The following TSPAN13 variants were observed in gnomAD, a reference collection of about 807,000 sequenced individuals.
TSPAN13 encodes tetraspanin-13.
Under a neutral mutation model 26.9 loss-of-function variants are expected in TSPAN13, and 18 were observed. That is an observed-to-expected ratio of 0.67 (90% CI 0.46 to 0.99). TSPAN13 has a LOEUF of 0.99. Among genes scored for constraint, TSPAN13 ranks in the 50% least tolerant of loss-of-function variants. TSPAN13 has a pLI of 0.00. For missense variants in TSPAN13, 201 were observed against 249.6 expected (o/e 0.81, Z 1.31); for synonymous variants, 116 against 98.4 (o/e 1.18, Z -1.06).
intron 1 of TSPAN13, among the ~76,000 whole-genome samples, chr7:16,763,682 A>T (rs1372120355): frequency 6.6e-6 from 1 of 152,048 alleles, no homozygotes; most frequent in East Asian, 1.9e-4. Flanking sequence ...CTGTTGGCTT[A>T]TGGACCTATC....
At chr7:16,765,290 A>G (rs1784593125) in intron 1 of TSPAN13, among the ~76,000 whole-genome samples, 2 of 151,750 alleles carry the variant, frequency 1.3e-5, no homozygotes, top group African/African-American at 4.8e-5. Flanking sequence ...TTTGGTAGAG[A>G]CAAGGTCTCC....
chr7:16,780,500 G>T (rs781354598), intron 5 of TSPAN13, among the ~76,000 whole-genome samples: 3 of 152,066 alleles, frequency 2.0e-5, no homozygotes, highest in Non-Finnish European at 4.4e-5. Flanking sequence ...CTTGTGAGTT[G>T]GTTGTGACAT....
intron 1 of TSPAN13, among the ~76,000 whole-genome samples, chr7:16,754,701 C>A (rs991816298): frequency 2.3e-4 from 35 of 152,270 alleles, no homozygotes; most frequent in Non-Finnish European, 2.4e-4. Flanking sequence ...ACCAAGTCCT[C>A]CAGGAAATAA....
chr7:16,779,513 C>A (rs1223579500), intron 5 of TSPAN13, among the ~76,000 whole-genome samples: 2 of 151,662 alleles, frequency 1.3e-5, no homozygotes, highest in Admixed American at 6.6e-5. Context: ...GATTATATAT[C>A]TTTTTATATA....
chr7:16,776,441 A>G lies in TSPAN13; in HGVS notation c.231+63A>G, dbSNP rs113347793. The G allele has an allele frequency of 7.6e-3, 11,274 of 1,493,142 alleles. 104 individuals carry two copies. The highest frequency in any genetic ancestry group is 0.069 in the Middle Eastern group (358 of 5,210). The allele number at this position is 1,493,142 out of a possible 1,614,324, so 92.5% of individuals were successfully genotyped here. On this transcript the variant is annotated intron_variant, in intron 2 of 5. Coordinates refer to ENST00000262067, the MANE Select transcript of TSPAN13 (RefSeq NM_014399.4). ...CTATTTTGATGGTTACAACTAATTT[A>G]ATATTATCACTAGGAAATTTATTGC...
intron 4 of TSPAN13, among the ~76,000 whole-genome samples, 170 bp from the exon 5 acceptor site, chr7:16,778,833 G>A (rs1310264652): frequency 6.6e-6 from 1 of 152,184 alleles, no homozygotes; most frequent in Admixed American, 6.5e-5. Context: ...ACACCATTGA[G>A]AGGGGAGGGT....
intron 1 of TSPAN13, among the ~76,000 whole-genome samples, chr7:16,760,374 C>G (rs1486733339): frequency 6.6e-6 from 1 of 152,016 alleles, no homozygotes; most frequent in Non-Finnish European, 1.5e-5. Flanking sequence ...GTAGGGCGAC[C>G]TGATTTACTG....
At chr7:16,775,043 T>C (rs1784726285) in intron 1 of TSPAN13, among the ~76,000 whole-genome samples, 2 of 152,230 alleles carry the variant, frequency 1.3e-5, no homozygotes, top group African/African-American at 4.8e-5. Flanking sequence ...TATTTTTATA[T>C]TTCTAAGCAA....
At chr7:16,758,163 A>C (rs377174113) in intron 1 of TSPAN13, among the ~76,000 whole-genome samples, 1 of 152,136 alleles carries the variant, frequency 6.6e-6, no homozygotes, top group African/African-American at 2.4e-5. Flanking sequence ...GATGCATTTT[A>C]TAGTAGATAA....
At position 16,783,507 on chromosome 7, in the gene TSPAN13, GA is replaced by G; in HGVS notation, c.*17del. ...ATTCCTTTGATGAGAAAACAAGGAA[GA>G]TTTCCTTTCGTATTATGATCTTGTT... On this transcript the variant is annotated 3_prime_UTR_variant, in exon 6 of 6. Coordinates refer to ENST00000262067, the MANE Select transcript of TSPAN13 (RefSeq NM_014399.4). The G allele has an allele frequency of 6.2e-7, 1 of 1,608,248 alleles. No homozygotes were observed. Among genetic ancestry groups the G allele is most frequent in the Non-Finnish European group, 8.5e-7 (1 of 1,174,902 alleles).
At chr7:16,757,313 T>C (rs929652430) in intron 1 of TSPAN13, among the ~76,000 whole-genome samples, 2 of 152,206 alleles carry the variant, frequency 1.3e-5, no homozygotes, top group African/African-American at 4.8e-5. Flanking sequence ...TAATAGTTTA[T>C]AGGAATATTT....
At position 16,777,022 on chromosome 7, in the gene TSPAN13, C is replaced by A. The variant is rs756241170; in HGVS notation, c.232-20C>A. 1 of 1,502,834 alleles carries A rather than the reference C, an allele frequency of 6.7e-7. No homozygotes were observed. Among genetic ancestry groups the A allele is most frequent in the Non-Finnish European group, 9.2e-7 (1 of 1,081,110 alleles). 93.1% of individuals were successfully genotyped at this position (1,502,834 alleles called of 1,614,324 possible). ...CCATTCTAAGAATATTTAGAAGTAT[C>A]CTTAACTTCTAACTCTCAGTATATG... On this transcript the variant is annotated intron_variant, in intron 2 of 5. Transcript: ENST00000262067.
intron 1 of TSPAN13, among the ~76,000 whole-genome samples, chr7:16,766,700 G>C (rs933235472): frequency 2.6e-5 from 4 of 152,226 alleles, no homozygotes; most frequent in Non-Finnish European, 5.9e-5. Context: ...AGAATGTCTA[G>C]ATTTAAGTAG....
chr7:16,770,776 C>G lies in TSPAN13; in HGVS notation c.64-5435C>G, dbSNP rs572513106. ...TATGCGTTTATGAGCTTTTCTCCCCCAAATGCCGTCACCTCTTGTAATCAG... is the reference window on the plus strand; with the variant it reads ...TATGCGTTTATGAGCTTTTCTCCCCGAAATGCCGTCACCTCTTGTAATCAG... On this transcript the variant is annotated intron_variant, in intron 1 of 5. Transcript: ENST00000262067. 5.9e-5 allele frequency among the ~76,000 whole-genome samples: 9 copies of G among 152,310 alleles called. No individual in the cohort carries two copies. In the South Asian group the frequency reaches 1.9e-3, roughly 32 times the overall value.
At chr7:16,754,295 C>A (rs1272869606) in intron 1 of TSPAN13, among the ~76,000 whole-genome samples, 1 of 152,198 alleles carries the variant, frequency 6.6e-6, no homozygotes, top group African/African-American at 2.4e-5. Context: ...CTCCACCCCG[C>A]CCCCTCACCC....
chr7:16,756,520 G>C (rs1784482878), intron 1 of TSPAN13, among the ~76,000 whole-genome samples: 1 of 152,150 alleles, frequency 6.6e-6, no homozygotes, highest in Non-Finnish European at 1.5e-5. Context: ...TGATGAGCCT[G>C]AGATTCGTGC....
chr7:16,755,946 CTT>C (rs1227776961), intron 1 of TSPAN13, among the ~76,000 whole-genome samples: 3 of 152,090 alleles, frequency 2.0e-5, no homozygotes, highest in Admixed American at 6.6e-5. Flanking sequence ...TGCAGTAAAA[CTT>C]AATGAATTGG....
At position 16,776,443 on chromosome 7, in the gene TSPAN13, T is replaced by C. The variant is rs1583794765; in HGVS notation, c.231+65T>C. ...ATTTTGATGGTTACAACTAATTTAA[T>C]ATTATCACTAGGAAATTTATTGCCA... On this transcript the variant is annotated intron_variant, in intron 2 of 5. Transcript: ENST00000262067. 7.4e-6 allele frequency: 11 copies of C among 1,481,602 alleles called. No homozygotes were observed. In the East Asian group the frequency reaches 2.5e-4, roughly 34 times the overall value. 91.8% of individuals were successfully genotyped at this position (1,481,602 alleles called of 1,614,324 possible). A position where few individuals can be genotyped will look rare whatever the true frequency, so the allele number is the denominator to read the frequency against.
intron 1 of TSPAN13, among the ~76,000 whole-genome samples, chr7:16,770,517 A>C (rs904740624): frequency 1.3e-5 from 2 of 152,116 alleles, no homozygotes; most frequent in Non-Finnish European, 2.9e-5. Flanking sequence ...GCCCCCTTTT[A>C]TCTTTTTAGT....
Sources: allele counts gnomAD v4.1 joint callset (sites outside exome capture counted in the v4.1 genomes callset), GRCh38; gene constraint gnomAD v4.1.1; transcripts MANE v1.5; gene names NCBI Gene and HGNC (gene_info 2026-07-23, HGNC 2026-07-21).